Variants in SERGEF observed in about 807,000 individuals in gnomAD.
The protein encoded by SERGEF is secretion-regulating guanine nucleotide exchange factor.
SERGEF carries 51 observed loss-of-function variants against 50.0 expected under a neutral mutation model. That is an observed-to-expected ratio of 1.02 (90% CI 0.81 to 1.29). The LOEUF (loss-of-function observed/expected upper bound fraction) is 1.29, where lower values mean the gene tolerates loss of function less well. Among genes scored for constraint, SERGEF ranks in the 50% most tolerant of loss-of-function variants. SERGEF has a pLI of 0.00. For synonymous variants in SERGEF, 205 were observed against 212.4 expected, an observed-to-expected ratio of 0.97 and a Z score of 0.30; for missense variants, 521 against 557.0, an observed-to-expected ratio of 0.94 and a Z score of 0.65.
chr11:17,995,923 T>C lies in SERGEF; in HGVS notation c.509-14A>G, dbSNP rs752503936. On this transcript the variant is annotated splice_polypyrimidine_tract_variant and intron_variant, in intron 5 of 10. Coordinates refer to ENST00000265965, the MANE Select transcript of SERGEF (RefSeq NM_012139.4). ...CGATGCCACTCGCTTCCCAACAGAA[T>C]GGAAGAGAAAGCAGAGAAGATGCAC... is the stretch of plus-strand genomic sequence containing the variant. The C allele has an allele frequency of 1.3e-6, 2 of 1,586,276 alleles. No homozygotes were observed. Among genetic ancestry groups the C allele is most frequent in the Non-Finnish European group, 1.7e-6 (2 of 1,155,466 alleles).
intron 10 of SERGEF, among the ~76,000 whole-genome samples, chr11:17,797,539 C>T (rs969279847): frequency 7.9e-5 from 12 of 152,132 alleles, no homozygotes; most frequent in African/African-American, 2.7e-4. Flanking sequence ...CCCCTACTCC[C>T]GTCTTATCTC....
intron 8 of SERGEF, among the ~76,000 whole-genome samples, chr11:17,976,575 C>T (rs1299531417): frequency 4.7e-5 from 7 of 149,644 alleles, no homozygotes; most frequent in African/African-American, 1.7e-4. Context: ...GCTGGGATTA[C>T]ATGAGTGAGC....
intron 3 of SERGEF, among the ~76,000 whole-genome samples, chr11:18,005,043 G>C (rs1198623075): frequency 2.0e-5 from 3 of 152,160 alleles, no homozygotes; most frequent in Non-Finnish European, 4.4e-5. Context: ...AGATTTGGGG[G>C]TAAGTTTGGA....
chr11:17,857,443 C>T (rs1003249347), intron 10 of SERGEF, among the ~76,000 whole-genome samples: 5 of 152,184 alleles, frequency 3.3e-5, no homozygotes, highest in East Asian at 1.9e-4. Flanking sequence ...GAAGCATATA[C>T]GTCTTCTTTG....
chr11:17,962,338 G>C (rs1206577984), intron 8 of SERGEF, among the ~76,000 whole-genome samples: 1 of 151,612 alleles, frequency 6.6e-6, no homozygotes, highest in East Asian at 1.9e-4. Context: ...ATGTCATCTG[G>C]AGTAAAAAAA....
At chr11:17,819,029 A>C (rs958051077) in intron 10 of SERGEF, among the ~76,000 whole-genome samples, 4 of 152,230 alleles carry the variant, frequency 2.6e-5, no homozygotes, top group African/African-American at 9.6e-5. Context: ...TGCTTCTGCA[A>C]TAGCTCTGTA....
At chr11:17,839,897 G>C (rs575478474) in intron 10 of SERGEF, among the ~76,000 whole-genome samples, 2 of 152,358 alleles carry the variant, frequency 1.3e-5, no homozygotes, top group East Asian at 3.9e-4. Context: ...AGCTAGAAGA[G>C]GTGGAGCTGA....
intron 9 of SERGEF, among the ~76,000 whole-genome samples, chr11:17,927,478 G>C (rs1852273536): frequency 6.6e-6 from 1 of 152,220 alleles, no homozygotes; most frequent in Non-Finnish European, 1.5e-5. Flanking sequence ...TACATTGCTA[G>C]ATCAGCAGAG....
chr11:17,872,818 G>A (rs1851166961), intron 10 of SERGEF, among the ~76,000 whole-genome samples: 1 of 152,132 alleles, frequency 6.6e-6, no homozygotes, highest in African/African-American at 2.4e-5. Flanking sequence ...AAAGAACTAG[G>A]ACAGCTTTTA....
chr11:17,994,859 AC>A (rs1853802599), intron 6 of SERGEF, among the ~76,000 whole-genome samples: 2 of 152,006 alleles, frequency 1.3e-5, no homozygotes, highest in South Asian at 4.1e-4. Context: ...TCCCACTGCA[AC>A]CCACCCTTTC....
chr11:18,012,852 T>A (rs757471206), intron 1 of SERGEF, 99 bp downstream of exon 1: 1 of 1,434,646 alleles, frequency 7.0e-7, no homozygotes, highest in South Asian at 1.2e-5. Context: ...GGCTCGGACC[T>A]CAGCCGCCCA....
At chr11:17,890,128 G>A (rs577123547) in intron 9 of SERGEF, among the ~76,000 whole-genome samples, 1 of 152,110 alleles carries the variant, frequency 6.6e-6, no homozygotes, top group Admixed American at 6.5e-5. Context: ...TGGCTAAGAA[G>A]GGGCAGCAGG....
At chr11:17,939,811 T>C (rs1031153989) in intron 9 of SERGEF, among the ~76,000 whole-genome samples, 1 of 152,240 alleles carries the variant, frequency 6.6e-6, no homozygotes, top group African/African-American at 2.4e-5. Flanking sequence ...TGGCAGCAGA[T>C]GGCTGTTCTA....
intron 10 of SERGEF, among the ~76,000 whole-genome samples, chr11:17,850,936 G>A (rs1022054838): frequency 7.2e-5 from 11 of 152,190 alleles, no homozygotes; most frequent in Non-Finnish European, 2.9e-5. Flanking sequence ...AGACCTGGCT[G>A]AGGTGTCAGG....
intron 9 of SERGEF, among the ~76,000 whole-genome samples, chr11:17,940,684 C>G (rs144580471): frequency 4.5e-4 from 69 of 152,262 alleles, no homozygotes; most frequent in South Asian, 4.0e-3. Flanking sequence ...AGAGATCCTC[C>G]TGCCTCAGCT....
Position 17,888,319 on chromosome 11 carries a change from G to T in SERGEF, c.1012-10075C>A, listed in dbSNP as rs1851467866. On this transcript the variant is annotated intron_variant, in intron 9 of 10. Transcript: ENST00000265965. The surrounding 1 kb of genome is among the most constrained non-coding windows in gnomAD (Gnocchi z 4.1). ...CTGATTTCAAATAAATAATATAACT[G>T]CTCTGAAGGGGGTCAGAATAACTCT... is the stretch of plus-strand genomic sequence containing the variant. Among the ~76,000 whole-genome samples, 1 of 152,092 alleles carries T rather than the reference G, an allele frequency of 6.6e-6. No individual in the cohort carries two copies. The highest frequency in any genetic ancestry group is 2.1e-4 in the South Asian group (1 of 4,822).
chr11:17,831,222 C>T (rs555876594), intron 10 of SERGEF, among the ~76,000 whole-genome samples: 1 of 152,336 alleles, frequency 6.6e-6, no homozygotes, highest in East Asian at 1.9e-4. Flanking sequence ...AGCCCAGAAA[C>T]CCACATTTTA....
chr11:17,896,837 TAAGGG>T lies in SERGEF; in HGVS notation c.1012-18598_1012-18594del, dbSNP rs1315753967. On this transcript the variant is annotated intron_variant, in intron 9 of 10. Transcript: ENST00000265965. ...GGGTAAGGGAAGGGTAACGGAAGGG[TAAGGG>T]AAGGGAAGGGTAAGGGAAGGGAAGG... is the stretch of plus-strand genomic sequence containing the variant. Among the ~76,000 whole-genome samples the T allele has an allele frequency of 3.3e-3, 72 of 21,530 alleles. 4 individuals are homozygous for T. The highest frequency in any genetic ancestry group is 3.7e-3 in the African/African-American group (18 of 4,906). The allele number at this position is 21,530 out of a possible 152,430, so 14.1% of individuals were successfully genotyped here. A position where few individuals can be genotyped will look rare whatever the true frequency, so the allele number is the denominator to read the frequency against.
intron 8 of SERGEF, among the ~76,000 whole-genome samples, chr11:17,986,873 TA>T (rs1156654398): frequency 6.6e-6 from 1 of 152,254 alleles, no homozygotes. Context: ...TGGAATGTAG[TA>T]AAATTTTATC....
Sources: gnomAD v4.1 joint callset for allele counts (sites outside exome capture counted in the v4.1 genomes callset) on GRCh38, gnomAD v4.1.1 for gene constraint, Gnocchi (gnomAD v3.1) non-coding constraint, MANE v1.5 for transcripts, NCBI Gene and HGNC (gene_info 2026-07-23, HGNC 2026-07-21) for gene names.